ADAMTSL1: variants seen among roughly 807,000 people sequenced by gnomAD.
ADAMTSL1 encodes the protein ADAMTS-like protein 1.
ADAMTSL1 carries 126 observed loss-of-function variants against 201.8 expected under a neutral mutation model. That is an observed-to-expected ratio of 0.62 (90% CI 0.54 to 0.72). The LOEUF is 0.72. Among genes scored for constraint, ADAMTSL1 ranks in the 30% least tolerant of loss-of-function variants. The pLI is 0.00. For missense variants in ADAMTSL1, 2,679 were observed against 2,277.8 expected (o/e 1.18, Z -3.59); for synonymous variants, 1,121 against 903.4 (o/e 1.24, Z -4.32).
intron 2 of ADAMTSL1, among the ~76,000 whole-genome samples, chr9:18,525,538 G>A (rs1210422739): frequency 1.3e-5 from 2 of 152,108 alleles, no homozygotes; most frequent in African/African-American, 2.4e-5. Context: ...TGATGTTAGG[G>A]TGTCAATTTT....
At chr9:18,347,550 T>A (rs919228363) in intron 2 of ADAMTSL1, among the ~76,000 whole-genome samples, 1 of 152,158 alleles carries the variant, frequency 6.6e-6, no homozygotes, top group African/African-American at 2.4e-5. Flanking sequence ...GACACCAACA[T>A]AGTTAGAATG....
At chr9:18,629,046 C>CAATTAT (rs1300496465) in intron 5 of ADAMTSL1, among the ~76,000 whole-genome samples, 2 of 152,048 alleles carry the variant, frequency 1.3e-5, no homozygotes, top group Admixed American at 1.3e-4. Context: ...TCTTTATTTC[C>CAATTAT]ATGTCCAATT....
chr9:17,962,991 T>A (rs1563921683), intron 1 of ADAMTSL1, among the ~76,000 whole-genome samples: 4 of 152,238 alleles, frequency 2.6e-5, no homozygotes, highest in South Asian at 4.1e-4. Context: ...GGAGATAGGA[T>A]TCCCTGTGAC....
chr9:18,701,525 C>T (rs1041601831), intron 13 of ADAMTSL1, among the ~76,000 whole-genome samples: 1 of 152,148 alleles, frequency 6.6e-6, no homozygotes, highest in African/African-American at 2.4e-5. Flanking sequence ...CGATTTTAAA[C>T]TCTAATTTTT....
At position 18,856,697 on chromosome 9, in the gene ADAMTSL1, A is replaced by G. The variant is rs142979132; in HGVS notation, c.4249+26720A>G. Among the ~76,000 whole-genome samples the G allele has an allele frequency of 2.3e-3, 356 of 152,154 alleles. 2 individuals carry two copies. Among genetic ancestry groups the G allele is most frequent in the African/African-American group, 8.0e-3 (332 of 41,536 alleles). On this transcript the variant is annotated intron_variant, in intron 23 of 28. Transcript: ENST00000380548. Reference sequence around the variant, plus strand: ...GGTCTTGAACTACTGGCCTCAAGCAATCCTCCTGCCTCCGCCTCCCAAAGT... The same window carrying G: ...GGTCTTGAACTACTGGCCTCAAGCAGTCCTCCTGCCTCCGCCTCCCAAAGT...
At chr9:18,399,327 A>ATATATT (rs1554672331) in intron 2 of ADAMTSL1, among the ~76,000 whole-genome samples, 8 of 113,070 alleles carry the variant, frequency 7.1e-5, no homozygotes, top group African/African-American at 2.9e-4. Flanking sequence ...ATATATATAT[A>ATATATT]TAAAATTATT....
chr9:18,891,899 C>G (rs1829297743), intron 25 of ADAMTSL1, among the ~76,000 whole-genome samples: 1 of 152,226 alleles, frequency 6.6e-6, no homozygotes, highest in South Asian at 2.1e-4. Flanking sequence ...AATTTATTCT[C>G]TTACAAGTTT....
chr9:18,270,444 T>G (rs1016881822), intron 2 of ADAMTSL1, among the ~76,000 whole-genome samples: 1 of 152,208 alleles, frequency 6.6e-6, no homozygotes, highest in Admixed American at 6.5e-5. Flanking sequence ...AAATTATCTT[T>G]GTATCCTTAC....
chr9:18,288,635 C>T (rs1379263180), intron 2 of ADAMTSL1, among the ~76,000 whole-genome samples: 1 of 151,288 alleles, frequency 6.6e-6, no homozygotes, highest in East Asian at 1.9e-4. Context: ...GGAAGGCAAA[C>T]AGGCAAAAGG....
chr9:18,393,547 G>C (rs1838137506), intron 2 of ADAMTSL1, among the ~76,000 whole-genome samples: 1 of 152,282 alleles, frequency 6.6e-6, no homozygotes, highest in East Asian at 1.9e-4. Context: ...AACTTACTAA[G>C]GATGTTAAAG....
At chr9:18,604,616 A>G (rs965839052) in intron 4 of ADAMTSL1, among the ~76,000 whole-genome samples, 6 of 152,138 alleles carry the variant, frequency 3.9e-5, no homozygotes, top group African/African-American at 1.4e-4. Context: ...GAGCTGAATA[A>G]TATTTTGTTG....
intron 2 of ADAMTSL1, among the ~76,000 whole-genome samples, chr9:18,370,542 A>G (rs958525010): frequency 6.6e-6 from 1 of 152,184 alleles, no homozygotes; most frequent in African/African-American, 2.4e-5. Context: ...TCAATAAATG[A>G]TAGCTGTTCA....
chr9:18,229,140 T>C (rs1830547136), intron 2 of ADAMTSL1, among the ~76,000 whole-genome samples: 2 of 152,134 alleles, frequency 1.3e-5, no homozygotes, highest in African/African-American at 4.8e-5. Flanking sequence ...CAAAAATTAG[T>C]CCCAGTATTA....
upstream of ADAMTSL1, among the ~76,000 whole-genome samples, chr9:18,471,525 CA>C (rs1332486640): frequency 6.6e-6 from 1 of 152,180 alleles, no homozygotes; most frequent in Non-Finnish European, 1.5e-5. Context: ...TGGCCATCAT[CA>C]AAATTAGTTC....
chr9:18,805,786 T>C (rs1019434813), intron 20 of ADAMTSL1, among the ~76,000 whole-genome samples: 1 of 152,182 alleles, frequency 6.6e-6, no homozygotes, highest in African/African-American at 2.4e-5. Context: ...CCAGGAAAAC[T>C]CTGTCAGTCA....
chr9:18,779,344 A>G (rs1821248471), intron 19 of ADAMTSL1, among the ~76,000 whole-genome samples: 1 of 152,238 alleles, frequency 6.6e-6, no homozygotes, highest in African/African-American at 2.4e-5. Context: ...CTTAGTACTT[A>G]TAGACCAAAT....
At chr9:18,442,278 A>G (rs1423222843) in intron 2 of ADAMTSL1, among the ~76,000 whole-genome samples, 1 of 152,230 alleles carries the variant, frequency 6.6e-6, no homozygotes, top group Non-Finnish European at 1.5e-5. Context: ...GCAGACTCCA[A>G]TCTTCTATTT....
In ADAMTSL1 at chr9:18,857,104, C is replaced by T. The variant is rs904318066; in HGVS notation, c.4249+27127C>T. On this transcript the variant is annotated intron_variant, in intron 23 of 28. Transcript: ENST00000380548. Reference sequence around the variant, plus strand: ...TTGGTTTGAGACACGAGTTTCAAGACGTGGTTTGAGACTTGGTTTCTTTCT... The same window carrying T: ...TTGGTTTGAGACACGAGTTTCAAGATGTGGTTTGAGACTTGGTTTCTTTCT... Among the ~76,000 whole-genome samples, 3 of 152,150 alleles carry T rather than the reference C, an allele frequency of 2.0e-5. No individual in the cohort carries two copies. In the South Asian group the frequency reaches 6.2e-4, roughly 32 times the overall value.
chr9:18,901,082 T>C (rs1276324114), intron 26 of ADAMTSL1, among the ~76,000 whole-genome samples: 1 of 152,098 alleles, frequency 6.6e-6, no homozygotes, highest in Non-Finnish European at 1.5e-5. Context: ...CCACAAGCAG[T>C]TGCTGGTGCC....
Sources: gnomAD v4.1 joint callset for allele counts (sites outside exome capture counted in the v4.1 genomes callset) on GRCh38, gnomAD v4.1.1 for gene constraint, MANE v1.5 for transcripts, NCBI Gene and HGNC (gene_info 2026-07-23, HGNC 2026-07-21) for gene names.